MLLT10: variants seen among roughly 807,000 people sequenced by gnomAD.
MLLT10 encodes protein AF-10.
A neutral mutation model predicts 129.1 loss-of-function variants in MLLT10; 30 were observed. The ratio of observed to expected loss-of-function variants is 0.23; its 90% CI spans 0.17 to 0.32. MLLT10 has a LOEUF of 0.32. MLLT10 is among the 10% of genes least tolerant of loss of function. The pLI is 1.00. For synonymous variants in MLLT10, 490 were observed against 446.4 expected, an observed-to-expected ratio of 1.10 and a Z score of -1.23; for missense variants, 1,119 against 1,268.3, an observed-to-expected ratio of 0.88 and a Z score of 1.79.
chr10:21,551,972 T>G (rs559026580), intron 3 of MLLT10: 1 of 253,012 alleles, frequency 4.0e-6, no homozygotes, highest in Non-Finnish European at 7.9e-6. Context: ...TTTTTGTATT[T>G]TTAGAGACGG....
intron 11 of MLLT10, among the ~76,000 whole-genome samples, chr10:21,678,726 G>T (rs1212092218): frequency 1.3e-5 from 2 of 152,056 alleles, no homozygotes; most frequent in African/African-American, 2.4e-5. Flanking sequence ...CATTATGAAA[G>T]AATTTCATTA....
chr10:21,609,347 C>T (rs1035713318), intron 5 of MLLT10, among the ~76,000 whole-genome samples: 6 of 152,080 alleles, frequency 3.9e-5, no homozygotes, highest in African/African-American at 7.2e-5. Context: ...GTCTTTTGAC[C>T]GTTAGGTATG....
intron 8 of MLLT10, among the ~76,000 whole-genome samples, chr10:21,646,005 G>A (rs2048436162): frequency 6.6e-6 from 1 of 152,132 alleles, no homozygotes; most frequent in Non-Finnish European, 1.5e-5. Flanking sequence ...CGGAGTTCGA[G>A]ACCAGCCTGG....
At chr10:21,537,348 A>G (rs2034226382) in intron 2 of MLLT10, among the ~76,000 whole-genome samples, 1 of 152,126 alleles carries the variant, frequency 6.6e-6, no homozygotes, top group East Asian at 1.9e-4. Flanking sequence ...CCCAGGCTGG[A>G]ATGCAGTGGG....
At chr10:21,655,523 AT>A (rs142986163) in intron 9 of MLLT10, among the ~76,000 whole-genome samples, 1 of 151,602 alleles carries the variant, frequency 6.6e-6, no homozygotes, top group Non-Finnish European at 1.5e-5. Flanking sequence ...TCTTCTTTTG[AT>A]TTTTTTTTAA....
At chr10:21,568,423 A>C (rs565586716) in intron 3 of MLLT10, among the ~76,000 whole-genome samples, 2 of 151,770 alleles carry the variant, frequency 1.3e-5, no homozygotes. Context: ...AGTGTGCCCT[A>C]TTTTTCTGTT....
intron 3 of MLLT10, among the ~76,000 whole-genome samples, chr10:21,581,002 G>A (rs2041381013): frequency 6.7e-6 from 1 of 149,630 alleles, no homozygotes; most frequent in Non-Finnish European, 1.5e-5. Flanking sequence ...GTGAGACACT[G>A]TGTCCAGCCT....
intron 8 of MLLT10, among the ~76,000 whole-genome samples, chr10:21,643,915 G>A (rs2048247033): frequency 6.6e-6 from 1 of 152,150 alleles, no homozygotes; most frequent in African/African-American, 2.4e-5. Context: ...CCTGTCAGAT[G>A]TGGTCTGCCT....
chr10:21,727,950 A>G (rs1564732357), intron 16 of MLLT10, 22 bp downstream of exon 16: 1 of 1,606,816 alleles, frequency 6.2e-7, no homozygotes, highest in East Asian at 2.2e-5. Context: ...TTACACTGCA[A>G]AGTATAGGCA....
chr10:21,681,652 A>AT (rs779013702), intron 12 of MLLT10, among the ~76,000 whole-genome samples: 3 of 152,086 alleles, frequency 2.0e-5, no homozygotes, highest in East Asian at 3.9e-4. Context: ...TCTTGAAATA[A>AT]TGTGTTTATT....
intron 3 of MLLT10, among the ~76,000 whole-genome samples, chr10:21,542,141 G>A (rs2035281683): frequency 6.6e-6 from 1 of 152,200 alleles, no homozygotes; most frequent in Admixed American, 6.5e-5. Context: ...TATTCAGAGA[G>A]AGAAGATAAT....
intron 3 of MLLT10, among the ~76,000 whole-genome samples, chr10:21,567,933 C>T (rs2131023710): frequency 6.6e-6 from 1 of 151,940 alleles, no homozygotes; most frequent in Non-Finnish European, 1.5e-5. Context: ...AATTCTCGTG[C>T]CTCAGCCTCC....
At chr10:21,718,155 A>G (rs1170032056) in intron 14 of MLLT10, among the ~76,000 whole-genome samples, 1 of 151,642 alleles carries the variant, frequency 6.6e-6, no homozygotes, top group Non-Finnish European at 1.5e-5. Context: ...TCTATTTTAT[A>G]TTCTTAAGTG....
Position 21,534,450 on chromosome 10 carries a change from TG to T in MLLT10, c.-65del. 2.5e-6 allele frequency: 1 copy of T among 400,834 alleles called. No individual in the cohort carries two copies. The highest frequency in any genetic ancestry group is 4.3e-6 in the Non-Finnish European group (1 of 233,156). 24.8% of individuals were successfully genotyped at this position (400,834 alleles called of 1,614,324 possible). A position where few individuals can be genotyped will look rare whatever the true frequency, so the allele number is the denominator to read the frequency against. On this transcript the variant is annotated 5_prime_UTR_variant, in exon 1 of 23. Transcript: ENST00000307729. ...GGCGGAGGAGGCGGTGGAGGGGAGG[TG>T]GGGGGAATCAGCAAGGACATGGCTC...
intron 3 of MLLT10, among the ~76,000 whole-genome samples, chr10:21,565,626 G>A (rs983123040): frequency 1.5e-5 from 2 of 135,234 alleles, no homozygotes; most frequent in Admixed American, 1.6e-4. Context: ...TTTTTTTTGA[G>A]ACATGGTCTT....
At chr10:21,640,515 T>G (rs2047903523) in intron 8 of MLLT10, among the ~76,000 whole-genome samples, 1 of 151,706 alleles carries the variant, frequency 6.6e-6, no homozygotes. Context: ...TATCAGTAAT[T>G]TTTGGTCATT....
At chr10:21,741,122 A>G (rs1045136777) in intron 22 of MLLT10, among the ~76,000 whole-genome samples, 7 of 152,228 alleles carry the variant, frequency 4.6e-5, no homozygotes, top group Non-Finnish European at 1.0e-4. Context: ...TATTCAAAAT[A>G]GAGGATTGTT....
intron 7 of MLLT10, among the ~76,000 whole-genome samples, chr10:21,615,906 T>A (rs1281312873): frequency 1.3e-5 from 2 of 152,198 alleles, no homozygotes; most frequent in Non-Finnish European, 2.9e-5. Flanking sequence ...TACTTCTCAT[T>A]CTTTTTAATG....
rs2057922697 is a variant in MLLT10, at chr10:21,730,984, A to G, written c.2148A>G (p.Ile716Met). 1 of 1,614,186 alleles carries G rather than the reference A, an allele frequency of 6.2e-7. No individual in the cohort carries two copies. The highest frequency in any genetic ancestry group is 1.3e-5 in the African/African-American group (1 of 75,056). ...ATCTGCCTCCAGTAGCAGCCAGCAT[A>G]GAACAGCTTTTGGAGAGGCAGTGGA... ...LENLPPVAAS[I>M]EQLLERQWSE... The change falls in exon 17 of 23, where the codon ATA becomes ATG. Residue 716 changes from isoleucine (I) to methionine (M), a missense_variant. Ile to Met is a conservative substitution (Grantham distance 10, BLOSUM62 1). Transcript: ENST00000307729.
Sources: gnomAD v4.1 joint callset for allele counts (sites outside exome capture counted in the v4.1 genomes callset) on GRCh38, gnomAD v4.1.1 for gene constraint, MANE v1.5 for transcripts, NCBI Gene and HGNC (gene_info 2026-07-23, HGNC 2026-07-21) for gene names.